The following NEB variants were observed in gnomAD, a reference collection of about 807,000 sequenced individuals.
NEB encodes the protein nemaline myopathy type 2.
NEB carries 512 observed loss-of-function variants against 952.2 expected under a neutral mutation model. The observed-to-expected ratio is 0.54, with a 90% CI of 0.50 to 0.58. The LOEUF (loss-of-function observed/expected upper bound fraction) is 0.58. Ranked by LOEUF, NEB falls within the 20% of genes least tolerant of loss-of-function variation. The pLI, the probability that NEB is intolerant of heterozygous loss-of-function variation, is 0.00. For missense variants in NEB, 8,428 were observed against 9,231.1 expected (o/e 0.91, Z 3.56); for synonymous variants, 2,900 against 3,149.8 (o/e 0.92, Z 2.66).
chr2:151,717,411 C>A lies in NEB; in HGVS notation c.822+5G>T. The A allele has an allele frequency of 6.3e-7, 1 of 1,597,724 alleles. No individual in the cohort carries two copies. The highest frequency in any genetic ancestry group is 1.3e-5 in the African/African-American group (1 of 74,848). ...GGAGGCAATGTCCCAGCTCTATTTA[C>A]TTACCTTGCTCACTTGATTGGTTAC... On this transcript the variant is annotated splice_donor_5th_base_variant and intron_variant, in intron 10 of 181. Coordinates refer to ENST00000397345, the MANE Select transcript of NEB (RefSeq NM_001164508.2).
intron 81 of NEB, among the ~76,000 whole-genome samples, chr2:151,609,116 TA>T (rs1032871497): frequency 1.3e-5 from 2 of 150,248 alleles, no homozygotes; most frequent in African/African-American, 4.9e-5. Context: ...TGCTAACATT[TA>T]AAAAAATTTT....
intron 161 of NEB, among the ~76,000 whole-genome samples, chr2:151,512,159 T>A (rs898866478): frequency 9.2e-5 from 14 of 151,392 alleles, no homozygotes; most frequent in African/African-American, 2.9e-4. Flanking sequence ...GCCTCCCAAG[T>A]AGCTGGGACT....
Position 151,682,731 on chromosome 2 carries a change from A to G in NEB, c.2874T>C (p.Gly958=), listed in dbSNP as rs2099429795. 1 of 1,613,438 alleles carries G rather than the reference A, an allele frequency of 6.2e-7. No homozygotes were observed. The highest frequency in any genetic ancestry group is 1.3e-5 in the African/African-American group (1 of 75,034). The change falls in exon 29 of 182, where the codon GGT becomes GGC. Residue 958 remains glycine, a synonymous_variant. Transcript: ENST00000397345. ...AGGACCCAAAAGGCACCCAGCCACA[A>G]CCTTTCATCCAGCTATTGTAGTCAG... ...YKADYNSWMK[G]CGWVPFGSLE...
In NEB at chr2:151,485,866, T is replaced by A. The variant is rs1559062038; in HGVS notation, c.25472A>T (p.Asp8491Val). 6.2e-7 allele frequency: 1 copy of A among 1,613,982 alleles called. No individual in the cohort carries two copies. ...DADEVSFKDG[D>V]AIINVQAIDE... ...AATTGCTTGAACATTTATGATGGCATCTCCATCCTTGAAGGACACCTCATC... is the reference window on the plus strand; with the variant it reads ...AATTGCTTGAACATTTATGATGGCAACTCCATCCTTGAAGGACACCTCATC... The change falls in exon 182 of 182, where the codon GAT (aspartate) becomes GTT (valine). Residue 8491 changes from aspartate (D) to valine (V), a missense_variant. By Grantham distance (152) the Asp-to-Val change is radical. Coordinates refer to ENST00000397345, the MANE Select transcript of NEB (RefSeq NM_001164508.2).
intron 167 of NEB, among the ~76,000 whole-genome samples, chr2:151,502,185 T>G (rs2065143349): frequency 6.6e-6 from 1 of 152,062 alleles, no homozygotes; most frequent in Admixed American, 6.6e-5. Context: ...TGCAAAGGCA[T>G]AAGAATGATA....
In NEB at chr2:151,664,853, G is replaced by A. The variant is rs571713476; in HGVS notation, c.5249C>T (p.Thr1750Ile). 25 of 1,609,488 alleles carry A rather than the reference G, an allele frequency of 1.6e-5. No homozygotes were observed. In the African/African-American group the frequency reaches 3.1e-4, roughly 20 times the overall value. Residue 1750 changes from threonine (T) to isoleucine (I), a missense_variant, in exon 43 of 182, where the codon ACT becomes ATT. By Grantham distance (89) the Thr-to-Ile change is moderately conservative. Transcript: ENST00000397345. ...NKLNMDKRLY[T>I]EKWNKDKTTI... ...GGTCTTGTCCTTGTTCCATTTTTCA[G>A]TGTAGAGCCTCTGCAATGAGAAAGT...
intron 13 of NEB, among the ~76,000 whole-genome samples, chr2:151,706,031 T>C (rs1486197506): frequency 6.6e-6 from 1 of 152,188 alleles, no homozygotes; most frequent in Non-Finnish European, 1.5e-5. Context: ...AACTTTTCCA[T>C]GTAACCAAAA....
At chr2:151,691,780 A>C (rs2099553217) in intron 23 of NEB, 84 bp downstream of exon 23, 1 of 1,011,462 alleles carries the variant, frequency 9.9e-7, no homozygotes, top group African/African-American at 1.6e-5. Context: ...ACTAGATATT[A>C]GCATGTAAAC....
chr2:151,524,757 C>T (rs1287574500), intron 151 of NEB, 141 bp from the exon 152 acceptor site: 4 of 713,288 alleles, frequency 5.6e-6, no homozygotes, highest in Non-Finnish European at 6.8e-6. Flanking sequence ...ACTTCTGTCT[C>T]CCGGATTCAA....
At chr2:151,496,145 G>C in intron 173 of NEB, 131 bp downstream of exon 173, 4 of 1,055,348 alleles carry the variant, frequency 3.8e-6, no homozygotes, top group South Asian at 1.5e-5. Flanking sequence ...AAGGAAAAAA[G>C]GGTAAATTTG....
chr2:151,502,734 G>GTGT (rs1371384150), intron 167 of NEB, 59 bp downstream of exon 167: 8 of 888,316 alleles, frequency 9.0e-6, no homozygotes, highest in East Asian at 2.6e-5. Context: ...CATTTGTAAG[G>GTGT]TGTTATTATT....
chr2:151,647,205 G>A (rs1346622028), intron 54 of NEB, among the ~76,000 whole-genome samples: 1 of 151,986 alleles, frequency 6.6e-6, no homozygotes, highest in Non-Finnish European at 1.5e-5. Context: ...CCACCTCCCA[G>A]GTTCAAGCAA....
In NEB at chr2:151,629,634, G is replaced by C. The variant is rs1251687499; in HGVS notation, c.9736C>G (p.Leu3246Val). ...TTCTTTTTTGCTTCTTCATTGGCAA[G>C]TTTGTATAGAGTCTATGAAAAGAAA... ...KINYSETLYK[L>V]ANEEAKKKGY... Residue 3246 changes from leucine to valine, a missense_variant, in exon 68 of 182, where the codon CTT (leucine) becomes GTT (valine). By Grantham distance (32) the Leu-to-Val change is conservative. Transcript: ENST00000397345. 6.2e-7 allele frequency: 1 copy of C among 1,613,358 alleles called. No individual in the cohort carries two copies. The highest frequency in any genetic ancestry group is 1.1e-5 in the South Asian group (1 of 91,068).
chr2:151,727,686 CT>C lies in NEB; in HGVS notation c.294+4del, dbSNP rs1360923633. 1 of 1,608,232 alleles carries C rather than the reference CT, an allele frequency of 6.2e-7. No homozygotes were observed. Among genetic ancestry groups the C allele is most frequent in the African/African-American group, 1.3e-5 (1 of 74,804 alleles). ...CCAGGTTAGCAGAAGTTGTTTGAAA[CT>C]TACTGGGCTAAAAAGATCCTGCATT... On this transcript the variant is annotated splice_donor_region_variant and intron_variant, in intron 5 of 181. Transcript: ENST00000397345.
intron 38 of NEB, among the ~76,000 whole-genome samples, chr2:151,670,634 G>A (rs2099274661): frequency 6.6e-6 from 1 of 152,204 alleles, no homozygotes; most frequent in South Asian, 2.1e-4. Context: ...AGGGGATTAG[G>A]ACATTATGCC....
intron 162 of NEB, chr2:151,507,625 A>G (rs1201077928): frequency 4.6e-6 from 1 of 216,372 alleles, no homozygotes; most frequent in African/African-American, 2.3e-5. Context: ...CCGCATCTCT[A>G]TCCATAAAAA....
rs759141794 is a variant in NEB, at chr2:151,493,827, G to C, written c.24620C>G (p.Pro8207Arg). The C allele has an allele frequency of 2.2e-5, 35 of 1,586,206 alleles. No homozygotes were observed. Among genetic ancestry groups the C allele is most frequent in the South Asian group, 2.3e-5 (2 of 86,234 alleles). ...CACTCTTTCCATCTCAGGAGTAAAG[G>C]GTGTGGGGGTTGCTTTCCCCAGGTT... ...KENLGKATPT[P>R]FTPEMERVKR... Residue 8207 changes from proline to arginine, a missense_variant, in exon 175 of 182, where the codon CCC becomes CGC. Physicochemically the swap from Pro to Arg is moderately radical, Grantham distance 103. Around this residue, in one of 11 missense-constraint regions of NEB, gnomAD observed 3,374 missense variants for 3,651.5 expected, o/e 0.92. Transcript: ENST00000397345.
At chr2:151,626,114 CTTT>C (rs745887781) in intron 70 of NEB, among the ~76,000 whole-genome samples, 2 of 138,858 alleles carry the variant, frequency 1.4e-5, no homozygotes, top group African/African-American at 2.6e-5. Flanking sequence ...TTGCATCTTT[CTTT>C]TTTTTTTTTT....
At chr2:151,663,163 G>A (rs561088562) in intron 45 of NEB, among the ~76,000 whole-genome samples, 42 of 152,200 alleles carry the variant, frequency 2.8e-4, no homozygotes, top group Non-Finnish European at 4.8e-4. Flanking sequence ...AAACCCGGTT[G>A]GGAGGGAGGG....
Sources: gnomAD v4.1 joint callset for allele counts (sites outside exome capture counted in the v4.1 genomes callset) on GRCh38, gnomAD v4.1.1 for gene constraint, gnomAD v4.1.1 regional missense constraint, MANE v1.5 for transcripts, NCBI Gene and HGNC (gene_info 2026-07-23, HGNC 2026-07-21) for gene names.